SVIL: variants seen among roughly 807,000 people sequenced by gnomAD.
The protein encoded by SVIL is supervillin.
In SVIL, 101 loss-of-function variants were observed where a neutral mutation model predicts 240.4. The ratio of observed to expected loss-of-function variants is 0.42; its 90% CI spans 0.36 to 0.50. The LOEUF (loss-of-function observed/expected upper bound fraction) is 0.50, where lower values mean the gene tolerates loss of function less well. Ranked by LOEUF, SVIL falls within the 20% of genes least tolerant of loss-of-function variation. The pLI is 0.01. For missense variants in SVIL, 2,512 were observed against 2,818.7 expected (o/e 0.89, Z 2.46); for synonymous variants, 999 against 1,100.0 (o/e 0.91, Z 1.82).
At position 29,659,551 on chromosome 10, in the gene SVIL, C is replaced by T. The variant is rs1959097565; in HGVS notation, c.-300-1483G>A. On this transcript the variant is annotated intron_variant, in intron 2 of 35. Transcript: ENST00000375400. ...AAGGATGTCAGAAGCCTGGTTTATC[C>T]AGCATAGAGAGAATGGGGTTCATCT... Among the ~76,000 whole-genome samples, 3 of 152,112 alleles carry T rather than the reference C, an allele frequency of 2.0e-5. No homozygotes were observed. In the South Asian group the frequency reaches 6.2e-4, roughly 32 times the overall value.
intron 32 of SVIL, 142 bp downstream of exon 32, chr10:29,470,134 C>T (rs1945387794): frequency 1.1e-6 from 1 of 928,856 alleles, no homozygotes; most frequent in Non-Finnish European, 1.7e-6. Flanking sequence ...GTCAGAGGCC[C>T]CTGACCACGT....
rs1191290257 is a variant in SVIL, at chr10:29,523,773, A to G, written c.2841T>C (p.Tyr947=). The change falls in exon 15 of 38, where the codon TAT becomes TAC. Residue 947 remains tyrosine (Y), a synonymous_variant. Coordinates refer to ENST00000355867, the MANE Select transcript of SVIL (RefSeq NM_021738.3). ...GSENKGMLRE[Y]GETESKRALT... The stretch of plus-strand genomic sequence containing the variant: ...AAGCTCTCTTGCTTTCTGTCTCTCC[A>G]TATTCTCTCAACATTCCCTTGTTCT... 17 of 1,614,054 alleles carry G rather than the reference A, an allele frequency of 1.1e-5. No homozygotes were observed. The highest frequency in any genetic ancestry group is 1.4e-5 in the Non-Finnish European group (17 of 1,180,040).
intron 1 of SVIL, among the ~76,000 whole-genome samples, chr10:29,605,139 C>T (rs556359469): frequency 6.6e-6 from 1 of 152,312 alleles, no homozygotes; most frequent in Admixed American, 6.5e-5. Flanking sequence ...CTTTGGAGAT[C>T]TTCCCATATA....
Position 29,563,311 on chromosome 10 carries a change from A to G in SVIL, c.-142-19T>C, listed in dbSNP as rs1974081. ...CTGAAAGCTAAAAATTACTCCATTA[A>G]TAAAGTTAAGTCCATTTAAATAAAG... On this transcript the variant is annotated intron_variant, in intron 2 of 37. Transcript: ENST00000355867. The G allele has an allele frequency of 0.42, 414,093 of 978,060 alleles. 87,919 individuals are homozygous for G. The highest frequency in any genetic ancestry group is 0.47 in the African/African-American group (26,603 of 57,090). The allele number at this position is 978,060 out of a possible 1,614,324, so 60.6% of individuals were successfully genotyped here.
chr10:29,513,014 A>G (rs547042516), intron 16 of SVIL, among the ~76,000 whole-genome samples, 153 bp from the exon 17 acceptor site: 1 of 152,370 alleles, frequency 6.6e-6, no homozygotes, highest in East Asian at 1.9e-4. Flanking sequence ...GGAAGACAGC[A>G]TGTCTGGAAA....
chr10:29,694,552 C>G (rs1181594953), intron 1 of SVIL, among the ~76,000 whole-genome samples: 4 of 152,048 alleles, frequency 2.6e-5, no homozygotes, highest in Non-Finnish European at 5.9e-5. Context: ...CTCCACCTCC[C>G]GGGTTCAAGT....
chr10:29,503,791 A>G (rs1333542015), intron 17 of SVIL, among the ~76,000 whole-genome samples: 2 of 152,346 alleles, frequency 1.3e-5, no homozygotes, highest in East Asian at 3.9e-4. Context: ...CTTGAGCTGT[A>G]CATTCGATGC....
intron 3 of SVIL, among the ~76,000 whole-genome samples, chr10:29,650,520 G>A (rs911484994): frequency 3.3e-5 from 5 of 151,936 alleles, no homozygotes; most frequent in Non-Finnish European, 5.9e-5. Context: ...TATATAATAT[G>A]TATTTATTAC....
intron 1 of SVIL, among the ~76,000 whole-genome samples, chr10:29,595,490 A>G (rs1006318072): frequency 6.6e-6 from 1 of 152,268 alleles, no homozygotes; most frequent in African/African-American, 2.4e-5. Flanking sequence ...TGTTATTTAC[A>G]AAAGATGGTG....
chr10:29,677,191 A>G (rs1231146129), intron 2 of SVIL, among the ~76,000 whole-genome samples: 2 of 152,296 alleles, frequency 1.3e-5, no homozygotes, highest in Non-Finnish European at 2.9e-5. Flanking sequence ...CCTTCAGCTC[A>G]GCAGACACCC....
intron 7 of SVIL, among the ~76,000 whole-genome samples, chr10:29,535,102 T>C (rs1004112125): frequency 1.3e-5 from 2 of 152,248 alleles, no homozygotes; most frequent in African/African-American, 4.8e-5. Context: ...CTGCTAAATT[T>C]GATAAAAACT....
At chr10:29,644,081 G>A (rs1958578886) in intron 3 of SVIL, 1 of 498,016 alleles carries the variant, frequency 2.0e-6, no homozygotes, top group African/African-American at 1.9e-5. Flanking sequence ...CTAAAAATAT[G>A]GGATTTCTGT....
chr10:29,474,099 C>T (rs574689349), intron 29 of SVIL, 110 bp from the exon 30 acceptor site: 10 of 1,439,724 alleles, frequency 6.9e-6, no homozygotes, highest in East Asian at 2.5e-5. Context: ...CAAAGAGCCT[C>T]GGACCTAGGG....
intron 28 of SVIL, among the ~76,000 whole-genome samples, chr10:29,481,027 T>C (rs758194030): frequency 6.6e-6 from 1 of 152,118 alleles, no homozygotes; most frequent in Non-Finnish European, 1.5e-5. Flanking sequence ...CATGGGTGCC[T>C]GAGAACAGGC....
intron 2 of SVIL, among the ~76,000 whole-genome samples, chr10:29,662,135 AC>A (rs1306192302): frequency 6.6e-6 from 1 of 152,036 alleles, no homozygotes; most frequent in Non-Finnish European, 1.5e-5. Flanking sequence ...TCTTTCTCCA[AC>A]CTTTTTCCCT....
chr10:29,480,160 T>C (rs562401446), intron 29 of SVIL, among the ~76,000 whole-genome samples: 1 of 152,076 alleles, frequency 6.6e-6, no homozygotes, highest in Non-Finnish European at 1.5e-5. Flanking sequence ...CACGAAGATA[T>C]GCTGTACTTA....
chr10:29,531,220 A>G, intron 10 of SVIL, 34 bp downstream of exon 10: 6 of 1,610,248 alleles, frequency 3.7e-6, no homozygotes, highest in Non-Finnish European at 5.1e-6. Flanking sequence ...AGATGAGATA[A>G]TAAAGAAGAA....
At chr10:29,587,180 C>G (rs1043193643) in intron 1 of SVIL, among the ~76,000 whole-genome samples, 48 of 152,354 alleles carry the variant, frequency 3.2e-4, no homozygotes, top group African/African-American at 1.1e-3. Context: ...CTGCAAACCT[C>G]CTGTTCTCCA....
At chr10:29,675,168 T>G (rs761453604) in intron 2 of SVIL, among the ~76,000 whole-genome samples, 3 of 152,186 alleles carry the variant, frequency 2.0e-5, no homozygotes, top group Non-Finnish European at 4.4e-5. Context: ...TCCACATGCA[T>G]GACCCCAGTA....
Sources: allele counts gnomAD v4.1 joint callset (sites outside exome capture counted in the v4.1 genomes callset), GRCh38; gene constraint gnomAD v4.1.1; transcripts MANE v1.5; gene names NCBI Gene and HGNC (gene_info 2026-07-23, HGNC 2026-07-21).